Variants in ZSWIM5 observed in about 807,000 individuals in gnomAD.
ZSWIM5 encodes the protein zinc finger SWIM domain-containing protein 5.
ZSWIM5 carries 55 observed loss-of-function variants against 119.6 expected under a neutral mutation model. The ratio of observed to expected loss-of-function variants is 0.46; its 90% CI spans 0.37 to 0.58. The LOEUF (loss-of-function observed/expected upper bound fraction) is 0.58. Ranked by LOEUF, ZSWIM5 falls within the 20% of genes least tolerant of loss-of-function variation. ZSWIM5 has a pLI of 0.00. For synonymous variants in ZSWIM5, 537 were observed against 606.9 expected (o/e 0.88, Z 1.69); for missense variants, 1,193 against 1,512.8 (o/e 0.79, Z 3.51).
intron 1 of ZSWIM5, among the ~76,000 whole-genome samples, chr1:45,188,038 C>T (rs982949488): frequency 1.3e-5 from 2 of 152,190 alleles, no homozygotes; most frequent in Admixed American, 1.3e-4. Context: ...AATAGTTTGG[C>T]AGTTCCTCAA....
At chr1:45,124,886 C>G (rs536835430) in intron 1 of ZSWIM5, among the ~76,000 whole-genome samples, 1 of 151,970 alleles carries the variant, frequency 6.6e-6, no homozygotes, top group Admixed American at 6.6e-5. Flanking sequence ...GTCAATTAAC[C>G]CAGAAGACAC....
At chr1:45,179,940 G>A (rs1432655213) in intron 1 of ZSWIM5, among the ~76,000 whole-genome samples, 2 of 151,990 alleles carry the variant, frequency 1.3e-5, no homozygotes, top group Non-Finnish European at 2.9e-5. Context: ...AAATGATATG[G>A]TATAGGGAGG....
At chr1:45,176,513 C>T (rs1461777033) in intron 1 of ZSWIM5, among the ~76,000 whole-genome samples, 1 of 152,140 alleles carries the variant, frequency 6.6e-6, no homozygotes, top group Non-Finnish European at 1.5e-5. Flanking sequence ...GATCCACCCG[C>T]CTTGGCCTCC....
intron 1 of ZSWIM5, among the ~76,000 whole-genome samples, chr1:45,090,563 C>A (rs894771268): frequency 7.2e-5 from 11 of 151,858 alleles, no homozygotes; most frequent in Admixed American, 2.6e-4. Context: ...CCAGCCTCAG[C>A]AACATAGCAA....
At chr1:45,141,846 T>G (rs562503550) in intron 1 of ZSWIM5, among the ~76,000 whole-genome samples, 4 of 152,112 alleles carry the variant, frequency 2.6e-5, no homozygotes, top group Non-Finnish European at 5.9e-5. Context: ...AATCCCACGG[T>G]GGCTGGGATT....
chr1:45,156,703 C>T (rs1159000030), intron 1 of ZSWIM5, among the ~76,000 whole-genome samples: 7 of 143,730 alleles, frequency 4.9e-5, no homozygotes, highest in African/African-American at 1.3e-4. Context: ...CTGCATATGT[C>T]GGGGTAGTGT....
At chr1:45,181,664 T>C (rs1382768936) in intron 1 of ZSWIM5, among the ~76,000 whole-genome samples, 1 of 152,046 alleles carries the variant, frequency 6.6e-6, no homozygotes, top group Non-Finnish European at 1.5e-5. Context: ...GGAAAAAATG[T>C]TGAGGGCAGC....
At chr1:45,060,920 T>C (rs1645148793) in intron 2 of ZSWIM5, among the ~76,000 whole-genome samples, 1 of 152,140 alleles carries the variant, frequency 6.6e-6, no homozygotes, top group Admixed American at 6.5e-5. Context: ...CAAGCAATCC[T>C]CCCAACTCAG....
intron 5 of ZSWIM5, among the ~76,000 whole-genome samples, chr1:45,046,689 G>A (rs1368706924): frequency 6.7e-6 from 1 of 149,060 alleles, no homozygotes; most frequent in Non-Finnish European, 1.5e-5. Context: ...CTGTTAGTAT[G>A]TAAATGATTA....
chr1:45,027,199 A>G (rs1644926125), intron 11 of ZSWIM5, among the ~76,000 whole-genome samples: 2 of 150,638 alleles, frequency 1.3e-5, no homozygotes, highest in South Asian at 4.2e-4. Context: ...TACTGTTTCT[A>G]CTTTCAATTT....
At chr1:45,202,641 G>A (rs922895686) in intron 1 of ZSWIM5, among the ~76,000 whole-genome samples, 3 of 151,946 alleles carry the variant, frequency 2.0e-5, no homozygotes, top group African/African-American at 7.2e-5. Context: ...TGTACCAGGC[G>A]CAGAAGGCCC....
At chr1:45,153,176 G>A (rs547643523) in intron 1 of ZSWIM5, among the ~76,000 whole-genome samples, 36 of 151,632 alleles carry the variant, frequency 2.4e-4, no homozygotes, top group Non-Finnish European at 4.7e-4. Context: ...CACACTACTG[G>A]TGGTAATTTA....
chr1:45,042,465 G>A (rs1272670617), intron 6 of ZSWIM5, among the ~76,000 whole-genome samples: 3 of 152,134 alleles, frequency 2.0e-5, no homozygotes, highest in Admixed American at 6.6e-5. Context: ...GTGGTGACAC[G>A]GTGAGTCTGG....
intron 1 of ZSWIM5, among the ~76,000 whole-genome samples, chr1:45,191,412 G>A (rs1390387279): frequency 6.6e-6 from 1 of 152,194 alleles, no homozygotes; most frequent in African/African-American, 2.4e-5. Flanking sequence ...TCCCTGAAGA[G>A]AAACAGTGTA....
chr1:45,198,842 C>A (rs1210436045), intron 1 of ZSWIM5, among the ~76,000 whole-genome samples: 1 of 152,110 alleles, frequency 6.6e-6, no homozygotes, highest in African/African-American at 2.4e-5. Context: ...TACAAAAGTT[C>A]TTGAACTTGA....
chr1:45,193,885 G>C (rs1389901787), intron 1 of ZSWIM5, among the ~76,000 whole-genome samples: 2 of 151,588 alleles, frequency 1.3e-5, no homozygotes, highest in African/African-American at 4.9e-5. Context: ...CTTTGAAGGA[G>C]CCAGAATTAC....
At chr1:45,174,869 G>A (rs182585728) in intron 1 of ZSWIM5, among the ~76,000 whole-genome samples, 1 of 152,166 alleles carries the variant, frequency 6.6e-6, no homozygotes, top group East Asian at 1.9e-4. Context: ...TCAACGTACT[G>A]CCTTATCACC....
intron 1 of ZSWIM5, among the ~76,000 whole-genome samples, chr1:45,191,508 T>A (rs1646093208): frequency 6.6e-6 from 1 of 152,316 alleles, no homozygotes; most frequent in East Asian, 1.9e-4. Flanking sequence ...CCCACATCTA[T>A]TTCCAGATAA....
intron 4 of ZSWIM5, among the ~76,000 whole-genome samples, chr1:45,053,749 C>G (rs1051251687): frequency 7.0e-5 from 7 of 100,666 alleles, no homozygotes; most frequent in African/African-American, 1.6e-4. Flanking sequence ...GGCGACAGAG[C>G]GAGACTCTGT....
Sources: allele counts gnomAD v4.1 joint callset (sites outside exome capture counted in the v4.1 genomes callset), GRCh38; gene constraint gnomAD v4.1.1; transcripts MANE v1.5; gene names NCBI Gene and HGNC (gene_info 2026-07-23, HGNC 2026-07-21).